Variants in SHC3 observed in about 807,000 individuals in gnomAD.
SHC3 encodes SHC-transforming protein 3.
A neutral mutation model predicts 60.4 loss-of-function variants in SHC3; 15 were observed. The observed-to-expected ratio is 0.25, with a 90% CI of 0.17 to 0.38. The LOEUF (loss-of-function observed/expected upper bound fraction) is 0.38. Ranked by LOEUF, SHC3 falls within the 10% of genes least tolerant of loss-of-function variation. The pLI is 1.00. For missense variants in SHC3, 677 were observed against 786.1 expected (o/e 0.86, Z 1.66); for synonymous variants, 294 against 325.9 (o/e 0.90, Z 1.05).
intron 4 of SHC3, 32 bp from the exon 5 acceptor site, chr9:89,071,284 C>T (rs750529182): frequency 1.2e-6 from 2 of 1,611,888 alleles, no homozygotes; most frequent in African/African-American, 2.7e-5. Flanking sequence ...ACGAGATGTG[C>T]TGTTATCGCC....
At chr9:89,074,256 A>T (rs1442227821) in intron 4 of SHC3, among the ~76,000 whole-genome samples, 9 of 152,122 alleles carry the variant, frequency 5.9e-5, no homozygotes, top group Admixed American at 5.9e-4. Context: ...ACAATGTCGG[A>T]ATCAGGTAGA....
intron 9 of SHC3, among the ~76,000 whole-genome samples, chr9:89,043,511 A>G (rs1049923760): frequency 6.6e-6 from 1 of 152,314 alleles, no homozygotes; most frequent in African/African-American, 2.4e-5. Flanking sequence ...CTTTCCCACC[A>G]TAGATGACAA....
At chr9:89,019,613 T>C (rs1826164789) in intron 11 of SHC3, among the ~76,000 whole-genome samples, 1 of 152,152 alleles carries the variant, frequency 6.6e-6, no homozygotes, top group Non-Finnish European at 1.5e-5. Context: ...ATATCAGGAA[T>C]GAACACGTGG....
At chr9:89,101,467 A>T (rs1044216657) in intron 2 of SHC3, among the ~76,000 whole-genome samples, 42 of 152,090 alleles carry the variant, frequency 2.8e-4, no homozygotes, top group African/African-American at 9.6e-4. Context: ...ATTAACTATG[A>T]TATTGACTGT....
At chr9:89,118,159 T>C (rs2118132262) in intron 1 of SHC3, among the ~76,000 whole-genome samples, 1 of 152,250 alleles carries the variant, frequency 6.6e-6, no homozygotes, top group East Asian at 1.9e-4. Flanking sequence ...GGCACTTTTT[T>C]TTTAAAGTGT....
At chr9:89,098,161 G>A (rs150804513) in intron 2 of SHC3, among the ~76,000 whole-genome samples, 42 of 152,260 alleles carry the variant, frequency 2.8e-4, no homozygotes, top group Admixed American at 9.8e-4. Flanking sequence ...ATTCTATAAA[G>A]TAACTAGCAT....
At chr9:89,174,938 G>C (rs1026974066) in intron 1 of SHC3, among the ~76,000 whole-genome samples, 2 of 152,210 alleles carry the variant, frequency 1.3e-5, no homozygotes, top group African/African-American at 4.8e-5. Flanking sequence ...ATTGCCTTTT[G>C]AACCTGCTAA....
intron 11 of SHC3, among the ~76,000 whole-genome samples, chr9:89,032,289 C>T (rs893947745): frequency 9.9e-5 from 15 of 152,138 alleles, no homozygotes; most frequent in Non-Finnish European, 1.9e-4. Flanking sequence ...AATGTGGGGG[C>T]GTTGGATTGT....
At chr9:89,112,942 T>C (rs1825971514) in intron 1 of SHC3, among the ~76,000 whole-genome samples, 1 of 152,218 alleles carries the variant, frequency 6.6e-6, no homozygotes, top group South Asian at 2.1e-4. Context: ...GGATCTTAAA[T>C]GTTTAATTCA....
In SHC3 at chr9:89,038,393, C is replaced by A. The variant is rs1279480537; in HGVS notation, c.1361-105G>T. 43 of 1,264,098 alleles carry A rather than the reference C, an allele frequency of 3.4e-5. No homozygotes were observed. The East Asian group carries it at 8.0e-4, about 23-fold the overall frequency. The allele number at this position is 1,264,098 out of a possible 1,614,324, so 78.3% of individuals were successfully genotyped here. ...GAGAGAGATGGAAATGCAAAGGCAA[C>A]TCCTCCAGAAGGGGAAAACAAAAAC... On this transcript the variant is annotated intron_variant, in intron 10 of 11. Coordinates refer to ENST00000375835, the MANE Select transcript of SHC3 (RefSeq NM_016848.6).
intron 5 of SHC3, among the ~76,000 whole-genome samples, chr9:89,070,284 C>T (rs1329618364): frequency 6.6e-6 from 1 of 152,184 alleles, no homozygotes; most frequent in Non-Finnish European, 1.5e-5. Flanking sequence ...AAACTTTACC[C>T]AGACGCATAA....
intron 11 of SHC3, among the ~76,000 whole-genome samples, chr9:89,025,045 T>A (rs1424645697): frequency 6.6e-6 from 1 of 152,138 alleles, no homozygotes. Context: ...CAGTTAGAAA[T>A]ACTGGTTAAA....
At chr9:89,173,447 G>A (rs904844580) in intron 1 of SHC3, among the ~76,000 whole-genome samples, 5 of 152,224 alleles carry the variant, frequency 3.3e-5, no homozygotes, top group Admixed American at 6.5e-5. Context: ...GACACCGTGC[G>A]GAGGCAGAGA....
intron 9 of SHC3, among the ~76,000 whole-genome samples, chr9:89,043,028 C>T (rs1768926219): frequency 6.6e-6 from 1 of 152,172 alleles, no homozygotes; most frequent in South Asian, 2.1e-4. Flanking sequence ...CGCCCTGTCT[C>T]CAATCTTCTT....
chr9:89,154,847 C>T (rs768153601), intron 1 of SHC3, among the ~76,000 whole-genome samples: 84 of 152,252 alleles, frequency 5.5e-4, no homozygotes, highest in Non-Finnish European at 6.3e-4. Context: ...TGCAATAGAC[C>T]ACATCTGCTA....
At chr9:89,071,083 T>C (rs1825262670) in intron 5 of SHC3, 116 bp downstream of exon 5, 1 of 848,842 alleles carries the variant, frequency 1.2e-6, no homozygotes, top group Non-Finnish European at 1.8e-6. Flanking sequence ...AGGGGGAAAT[T>C]AGTTGCCATC....
intron 1 of SHC3, among the ~76,000 whole-genome samples, chr9:89,174,844 C>A (rs745417699): frequency 6.6e-6 from 1 of 152,204 alleles, no homozygotes; most frequent in East Asian, 1.9e-4. Flanking sequence ...TGAACCCCTG[C>A]CTCCTGTCCC....
At chr9:89,035,237 C>A (rs1218194087) in intron 11 of SHC3, among the ~76,000 whole-genome samples, 3 of 152,138 alleles carry the variant, frequency 2.0e-5, no homozygotes, top group Admixed American at 6.5e-5. Context: ...CACGACCTGG[C>A]GTTGGGTCTG....
At chr9:89,165,260 T>TTGTG (rs10626309) in intron 1 of SHC3, among the ~76,000 whole-genome samples, 3,798 of 148,618 alleles carry the variant, frequency 0.026, 73 homozygotes, top group African/African-American at 0.049. Flanking sequence ...AAAGACGTGT[T>TTGTG]TGTGTGTGTG....
Sources: gnomAD v4.1 joint callset for allele counts (sites outside exome capture counted in the v4.1 genomes callset) on GRCh38, gnomAD v4.1.1 for gene constraint, MANE v1.5 for transcripts, NCBI Gene and HGNC (gene_info 2026-07-23, HGNC 2026-07-21) for gene names.